Variants in WDPCP observed in about 807,000 individuals in gnomAD.
The protein encoded by WDPCP is WD repeat-containing and planar cell polarity effector protein fritz homolog.
In WDPCP, 71 loss-of-function variants were observed where a neutral mutation model predicts 93.1. The ratio of observed to expected loss-of-function variants is 0.76; its 90% CI spans 0.63 to 0.93. The LOEUF (loss-of-function observed/expected upper bound fraction) is 0.93. Among genes scored for constraint, WDPCP ranks in the 40% least tolerant of loss-of-function variants. The probability of loss-of-function intolerance (pLI) is 0.00; values close to 1 mark genes in which losing one functional copy is unlikely to be tolerated. For missense variants in WDPCP, 844 were observed against 887.4 expected (o/e 0.95, Z 0.62); for synonymous variants, 315 against 315.0 (o/e 1.00, Z 0.00).
intron 6 of WDPCP, among the ~76,000 whole-genome samples, chr2:63,443,413 C>A (rs1697634572): frequency 6.6e-6 from 1 of 152,108 alleles, no homozygotes; most frequent in Non-Finnish European, 1.5e-5. Context: ...GAACAAGCCA[C>A]ATAAATATCT....
chr2:63,190,354 C>T (rs1266233416), intron 14 of WDPCP, among the ~76,000 whole-genome samples: 3 of 149,302 alleles, frequency 2.0e-5, no homozygotes, highest in Admixed American at 6.7e-5. Flanking sequence ...AGCACCTGAC[C>T]TGGGGAGGTT....
intron 6 of WDPCP, among the ~76,000 whole-genome samples, chr2:63,451,616 C>G (rs1276149757): frequency 1.3e-5 from 2 of 152,154 alleles, no homozygotes; most frequent in African/African-American, 4.8e-5. Flanking sequence ...CATCCTGATA[C>G]CAAAGCCTGG....
intron 3 of WDPCP, chr2:63,644,007 C>T (rs571530883): frequency 6.5e-6 from 3 of 460,028 alleles, no homozygotes; most frequent in South Asian, 3.3e-5. Context: ...TGCTTTGGAG[C>T]TGGTACTCAC....
upstream of WDPCP, among the ~76,000 whole-genome samples, chr2:63,829,540 C>A (rs944138795): frequency 6.6e-6 from 1 of 152,090 alleles, no homozygotes. Flanking sequence ...CTTCTCTTTG[C>A]AATTTTTAAA....
chr2:63,840,704 G>C, the WDPCP span, among the ~76,000 whole-genome samples: 1 of 152,222 alleles, frequency 6.6e-6, no homozygotes, highest in Non-Finnish European at 1.5e-5. Context: ...TATTTTTACT[G>C]ATTGGAAAAA....
At chr2:63,744,889 A>T (rs2103864654) in intron 2 of WDPCP, among the ~76,000 whole-genome samples, 1 of 152,238 alleles carries the variant, frequency 6.6e-6, no homozygotes, top group East Asian at 1.9e-4. Context: ...ATCATTAAAT[A>T]TATTCTTTCA....
At chr2:63,559,604 T>C (rs76119630) in intron 1 of WDPCP, among the ~76,000 whole-genome samples, 1 of 152,074 alleles carries the variant, frequency 6.6e-6, no homozygotes, top group Non-Finnish European at 1.5e-5. Flanking sequence ...TGTGCAAAAA[T>C]CACAACCATT....
At chr2:63,752,595 G>A in intron 2 of WDPCP, 1 of 585,868 alleles carries the variant, frequency 1.7e-6, no homozygotes, top group Non-Finnish European at 3.1e-6. Flanking sequence ...GTGAAGAGCT[G>A]CTCAGGCTCT....
At chr2:63,794,609 T>C (rs1670589951) in intron 2 of WDPCP, among the ~76,000 whole-genome samples, 1 of 152,196 alleles carries the variant, frequency 6.6e-6, no homozygotes, top group African/African-American at 2.4e-5. Flanking sequence ...TGATATTATC[T>C]TGGGTTCTTG....
intron 4 of WDPCP, among the ~76,000 whole-genome samples, chr2:63,485,718 G>C (rs1211238565): frequency 6.6e-6 from 1 of 151,738 alleles, no homozygotes; most frequent in Non-Finnish European, 1.5e-5. Flanking sequence ...TGTTAAACAT[G>C]TCTATTTTAT....
At position 63,174,798 on chromosome 2, in the gene WDPCP, T is replaced by C; in HGVS notation, c.1950A>G (p.Leu650=). 1 of 1,613,960 alleles carries C rather than the reference T, an allele frequency of 6.2e-7. No homozygotes were observed. Among genetic ancestry groups the C allele is most frequent in the Non-Finnish European group, 8.5e-7 (1 of 1,179,912 alleles). Residue 650 remains leucine (L), a synonymous_variant, in exon 15 of 18, where the codon CTA becomes CTG. Transcript: ENST00000272321. ...AAGACAGGCCAATAAATGCTTCATT[T>C]AGCATATCCCCTCTGTCCAAGGGTC... The part of the protein sequence containing the change: ...LLGPLDRGDM[L]NEAFIGLSLA...
At chr2:63,836,924 A>G in the WDPCP span, among the ~76,000 whole-genome samples, 2 of 152,242 alleles carry the variant, frequency 1.3e-5, no homozygotes, top group Non-Finnish European at 2.9e-5. Flanking sequence ...TTTTAAAACC[A>G]CTTAGAAGAT....
At chr2:63,377,701 A>G (rs1267791309) in intron 12 of WDPCP, 1 of 151,372 alleles carries the variant, frequency 6.6e-6, no homozygotes, top group Non-Finnish European at 1.5e-5. Context: ...GCTTTTACTT[A>G]TAGTACTGCC....
chr2:63,684,343 TC>T, intron 2 of WDPCP: 2 of 672,146 alleles, frequency 3.0e-6, no homozygotes, highest in South Asian at 2.9e-5. Flanking sequence ...GTGTCGCTTG[TC>T]CTGGCTGGAC....
At chr2:63,600,823 A>G (rs975195336) in intron 3 of WDPCP, among the ~76,000 whole-genome samples, 1 of 152,196 alleles carries the variant, frequency 6.6e-6, no homozygotes, top group African/African-American at 2.4e-5. Flanking sequence ...TCTGTGGGAC[A>G]GTTGTAAAGG....
At chr2:63,141,560 G>C (rs1174386256) in intron 17 of WDPCP, among the ~76,000 whole-genome samples, 1 of 152,140 alleles carries the variant, frequency 6.6e-6, no homozygotes, top group Non-Finnish European at 1.5e-5. Flanking sequence ...TGTTCATCAA[G>C]GATATCGGTC....
chr2:63,808,623 C>T (rs549785722), intron 2 of WDPCP, among the ~76,000 whole-genome samples: 1 of 152,364 alleles, frequency 6.6e-6, no homozygotes, highest in Non-Finnish European at 1.5e-5. Context: ...GGATTGCAGA[C>T]GGAGTCTCGT....
intron 6 of WDPCP, among the ~76,000 whole-genome samples, chr2:63,449,293 A>C (rs1434516162): frequency 6.6e-6 from 1 of 152,198 alleles, no homozygotes; most frequent in African/African-American, 2.4e-5. Context: ...TCACACAATA[A>C]ATGTCCAGCT....
At chr2:63,463,763 G>A (rs1014001828) in intron 6 of WDPCP, among the ~76,000 whole-genome samples, 6 of 152,116 alleles carry the variant, frequency 3.9e-5, no homozygotes, top group African/African-American at 1.2e-4. Context: ...TTCAACAAAC[G>A]ATGCTGAGAA....
Sources: allele counts gnomAD v4.1 joint callset (sites outside exome capture counted in the v4.1 genomes callset), GRCh38; gene constraint gnomAD v4.1.1; transcripts MANE v1.5; gene names NCBI Gene and HGNC (gene_info 2026-07-23, HGNC 2026-07-21).